The following NF1 variants were observed in gnomAD, a reference collection of about 807,000 sequenced individuals.
NF1 encodes the protein neurofibromin 1, also known as neurofibromin.
Under a neutral mutation model 325.7 loss-of-function variants are expected in NF1, and 122 were observed. The observed-to-expected ratio is 0.37, with a 90% CI of 0.32 to 0.44. The LOEUF (loss-of-function observed/expected upper bound fraction) is 0.44. Ranked by LOEUF, NF1 falls within the 20% of genes least tolerant of loss-of-function variation. The probability of loss-of-function intolerance (pLI) is 1.00; values close to 1 mark genes in which losing one functional copy is unlikely to be tolerated. For missense variants in NF1, 2,140 were observed against 3,415.4 expected (o/e 0.63, Z 9.31); for synonymous variants, 1,091 against 1,186.0 (o/e 0.92, Z 1.65).
intron 8 of NF1, among the ~76,000 whole-genome samples, chr17:31,198,084 A>T (rs1289791664): frequency 2.6e-5 from 4 of 152,042 alleles, no homozygotes; most frequent in Admixed American, 2.0e-4. Context: ...TCATTCTATT[A>T]ATGTGGTATA....
intron 57 of NF1, among the ~76,000 whole-genome samples, chr17:31,368,328 C>T (rs988022216): frequency 5.9e-5 from 9 of 151,964 alleles, no homozygotes; most frequent in African/African-American, 1.7e-4. Context: ...TCAGTAGAGA[C>T]GAGGTTTCAC....
At position 31,352,434 on chromosome 17, in the gene NF1, G is replaced by A. The variant is rs2151577512; in HGVS notation, c.7615+20G>A. On this transcript the variant is annotated intron_variant, in intron 51 of 57. Transcript: ENST00000358273. ...TGCTTGGTTAGTTTATCTAAATTAT[G>A]TAGATTTTTTTTATTATTTAAAAAA... 1 of 1,546,636 alleles carries A rather than the reference G, an allele frequency of 6.5e-7. No individual in the cohort carries two copies. Among genetic ancestry groups the A allele is most frequent in the Non-Finnish European group, 8.7e-7 (1 of 1,149,026 alleles).
chr17:31,109,671 A>C (rs1913235791), intron 1 of NF1, among the ~76,000 whole-genome samples: 1 of 152,234 alleles, frequency 6.6e-6, no homozygotes, highest in African/African-American at 2.4e-5. Context: ...GGCGTGAGCC[A>C]CCATGCCTTG....
rs17886878 is a variant in NF1 at position 31,245,870 on chromosome 17, G to A, written c.3975-3114G>A. ...CTTCAGCCTCTCTCCTCTCCTTGGA[G>A]GTTGGGGAGTGGGGCTGAAAGTCTC... On this transcript the variant is annotated intron_variant, in intron 29 of 57. Transcript: ENST00000358273. 5.3e-4 allele frequency among the ~76,000 whole-genome samples: 80 copies of A among 152,294 alleles called. 2 individuals are homozygous for A. In the East Asian group the frequency reaches 0.015, roughly 28 times the overall value.
At chr17:31,351,302 T>G (rs1037389730) in intron 50 of NF1, among the ~76,000 whole-genome samples, 1 of 152,220 alleles carries the variant, frequency 6.6e-6, no homozygotes, top group African/African-American at 2.4e-5. Context: ...TGAAAATAGC[T>G]ACGAGTAGAT....
chr17:31,241,080 G>A (rs1021311300), intron 29 of NF1, among the ~76,000 whole-genome samples: 9 of 152,090 alleles, frequency 5.9e-5, no homozygotes, highest in East Asian at 5.8e-4. Flanking sequence ...GTTTCACCAC[G>A]TTGGTCAGGC....
intron 36 of NF1, among the ~76,000 whole-genome samples, chr17:31,286,466 T>C (rs1597782201): frequency 6.6e-6 from 1 of 152,170 alleles, no homozygotes; most frequent in South Asian, 2.1e-4. Context: ...GCAGCTTTTT[T>C]TGTAGAATTT....
chr17:31,240,430 A>T (rs1189229612), intron 29 of NF1, among the ~76,000 whole-genome samples: 1 of 152,184 alleles, frequency 6.6e-6, no homozygotes, highest in Non-Finnish European at 1.5e-5. Flanking sequence ...TTGTGTCTGA[A>T]TAGTACTCCG....
intron 36 of NF1, among the ~76,000 whole-genome samples, chr17:31,281,000 T>C (rs1049702863): frequency 6.6e-6 from 1 of 152,170 alleles, no homozygotes; most frequent in African/African-American, 2.4e-5. Flanking sequence ...AATATAGAAC[T>C]ATGAAATGCC....
intron 39 of NF1, among the ~76,000 whole-genome samples, chr17:31,332,525 G>T (rs1037562998): frequency 6.6e-6 from 1 of 151,620 alleles, no homozygotes. Flanking sequence ...ATCATGAAGG[G>T]TGCTGACCGA....
intron 36 of NF1, among the ~76,000 whole-genome samples, chr17:31,277,422 A>G (rs1222957668): frequency 6.6e-6 from 1 of 152,194 alleles, no homozygotes; most frequent in Non-Finnish European, 1.5e-5. Context: ...ATTTAAGAGA[A>G]ATTAACTTTT....
chr17:31,342,080 T>C lies in NF1; in HGVS notation c.7063-929T>C, dbSNP rs565291980. On this transcript the variant is annotated intron_variant, in intron 47 of 57. Coordinates refer to ENST00000358273, the MANE Select transcript of NF1 (RefSeq NM_001042492.3). ...GGAACAGATATGGGTCTGAAAAATA[T>C]AGAAGCAAAATTTTAGAGGTAAGAG... Among the ~76,000 whole-genome samples the C allele has an allele frequency of 2.7e-4, 41 of 152,232 alleles. No homozygotes were observed. In the South Asian group the frequency reaches 8.1e-3, roughly 30 times the overall value.
intron 1 of NF1, among the ~76,000 whole-genome samples, chr17:31,105,320 A>G (rs930462728): frequency 2.0e-5 from 3 of 152,208 alleles, no homozygotes; most frequent in Admixed American, 2.0e-4. Flanking sequence ...AAAACTTTAC[A>G]TATTCTTACC....
chr17:31,330,293 T>C lies in NF1; in HGVS notation c.5610-3T>C, dbSNP rs2069447812. The C allele has an allele frequency of 6.2e-7, 1 of 1,613,886 alleles. No homozygotes were observed. Among genetic ancestry groups the C allele is most frequent in the Non-Finnish European group, 8.5e-7 (1 of 1,179,784 alleles). ...AAACAACTTCATTTGTGTTTTCTCCTAGGTCAGCTGCCTATAATCTTCTGT... is the reference window on the plus strand; with the variant it reads ...AAACAACTTCATTTGTGTTTTCTCCCAGGTCAGCTGCCTATAATCTTCTGT... On this transcript the variant is annotated splice_region_variant and splice_polypyrimidine_tract_variant and intron_variant, in intron 38 of 57. Transcript: ENST00000358273.
chr17:31,191,035 A>T (rs1401177061), intron 8 of NF1, among the ~76,000 whole-genome samples: 2 of 152,184 alleles, frequency 1.3e-5, no homozygotes, highest in African/African-American at 4.8e-5. Flanking sequence ...AATATATACA[A>T]TTTTTATTTT....
intron 33 of NF1, among the ~76,000 whole-genome samples, 194 bp from the exon 34 acceptor site, chr17:31,260,175 C>T (rs775735343): frequency 5.3e-5 from 8 of 152,086 alleles, no homozygotes; most frequent in South Asian, 2.1e-4. Context: ...AAGCTGAAGC[C>T]GGGTATCAGA....
chr17:31,228,328 T>C (rs1424452593), intron 20 of NF1, among the ~76,000 whole-genome samples: 2 of 152,236 alleles, frequency 1.3e-5, no homozygotes, highest in East Asian at 3.8e-4. Context: ...TTTGTCATGC[T>C]TAATTACAAT....
chr17:31,198,631 G>C (rs1404158330), intron 8 of NF1, among the ~76,000 whole-genome samples: 1 of 151,318 alleles, frequency 6.6e-6, no homozygotes, highest in South Asian at 2.1e-4. Context: ...GAGGGGGTGG[G>C]GGGGATAGAG....
At chr17:31,174,360 G>A (rs2065982606) in intron 5 of NF1, among the ~76,000 whole-genome samples, 1 of 152,156 alleles carries the variant, frequency 6.6e-6, no homozygotes, top group African/African-American at 2.4e-5. Flanking sequence ...TATGCTGCTT[G>A]GTGATAGCAG....
Sources: allele counts gnomAD v4.1 joint callset (sites outside exome capture counted in the v4.1 genomes callset), GRCh38; gene constraint gnomAD v4.1.1; transcripts MANE v1.5; gene names NCBI Gene and HGNC (gene_info 2026-07-23, HGNC 2026-07-21).